The following DNAI4 variants were observed in gnomAD, a reference collection of about 807,000 sequenced individuals.
DNAI4 encodes dynein axonemal intermediate chain 4, also known as WD repeat domain 78.
A neutral mutation model predicts 105.8 loss-of-function variants in DNAI4; 85 were observed. The observed-to-expected ratio is 0.80, with a 90% CI of 0.67 to 0.96. DNAI4 has a LOEUF of 0.96. DNAI4 is among the 40% of genes least tolerant of loss of function. DNAI4 has a pLI of 0.00. For missense variants in DNAI4, 1,014 were observed against 1,005.6 expected, an observed-to-expected ratio of 1.01 and a Z score of -0.11; for synonymous variants, 352 against 331.5, an observed-to-expected ratio of 1.06 and a Z score of -0.67.
At chr1:66,896,596 T>C (rs1159748465) in intron 2 of DNAI4, among the ~76,000 whole-genome samples, 1 of 152,186 alleles carries the variant, frequency 6.6e-6, no homozygotes, top group Non-Finnish European at 1.5e-5. Context: ...AATCCATTCA[T>C]GAATTAATGG....
At chr1:66,820,335 T>C (rs1288470496) in intron 16 of DNAI4, among the ~76,000 whole-genome samples, 1 of 152,124 alleles carries the variant, frequency 6.6e-6, no homozygotes, top group East Asian at 1.9e-4. Flanking sequence ...TAACTAATAA[T>C]TGTAATACAA....
At chr1:66,893,117 G>C (rs1046604275) in intron 3 of DNAI4, 112 bp downstream of exon 3, 8 of 516,996 alleles carry the variant, frequency 1.5e-5, no homozygotes, top group Non-Finnish European at 2.5e-5. Flanking sequence ...AAGAAAGAAA[G>C]AAAGAAACTG....
chr1:66,908,167 G>A (rs1157921939), intron 1 of DNAI4, among the ~76,000 whole-genome samples: 1 of 152,068 alleles, frequency 6.6e-6, no homozygotes, highest in East Asian at 1.9e-4. Flanking sequence ...CATGTTTATA[G>A]TGTCTGTAAA....
At chr1:66,837,899 A>G (rs1355533894) in intron 9 of DNAI4, 103 bp from the exon 10 acceptor site, 4 of 1,123,982 alleles carry the variant, frequency 3.6e-6, no homozygotes, top group Non-Finnish European at 3.8e-6. Flanking sequence ...AAATAGTAGT[A>G]AGACATTTCA....
intron 6 of DNAI4, among the ~76,000 whole-genome samples, chr1:66,869,141 T>C (rs1646791028): frequency 6.6e-6 from 1 of 151,160 alleles, no homozygotes; most frequent in Admixed American, 6.6e-5. Context: ...ATACATATTC[T>C]ATTGGTTCTG....
At chr1:66,892,446 G>C (rs151196384) in intron 3 of DNAI4, among the ~76,000 whole-genome samples, 1 of 152,346 alleles carries the variant, frequency 6.6e-6, no homozygotes, top group Admixed American at 6.5e-5. Flanking sequence ...ATGAGAATTT[G>C]AAATTAATTG....
At chr1:66,829,380 A>G (rs1179361364) in intron 13 of DNAI4, among the ~76,000 whole-genome samples, 1 of 152,190 alleles carries the variant, frequency 6.6e-6, no homozygotes, top group Non-Finnish European at 1.5e-5. Context: ...AAAATGACAA[A>G]CCAGGCTAAC....
In DNAI4 at chr1:66,822,440, C is replaced by A. The variant is rs530771074; in HGVS notation, c.2417G>T (p.Cys806Phe). Residue 806 changes from cysteine to phenylalanine, a missense_variant, in exon 16 of 17, where the codon TGC becomes TTC. Coordinates refer to ENST00000371026, the MANE Select transcript of DNAI4 (RefSeq NM_024763.5). ...TCCATCACTGTCTCCTACCAGAAGG[C>A]AATCTGTTTGTTTGGCAAAGAGAAT... ...TTILFAKQTD[C>F]LLVGDSDGQV... 232 of 1,613,566 alleles carry A rather than the reference C, an allele frequency of 1.4e-4. 2 individuals carry two copies. The South Asian group carries it at 2.4e-3, about 17-fold the overall frequency.
chr1:66,848,322 T>C (rs1330538039), intron 7 of DNAI4: 3 of 453,378 alleles, frequency 6.6e-6, no homozygotes, highest in East Asian at 1.4e-4. Context: ...CTGGAAAAGA[T>C]CTTTTACTTT....
chr1:66,924,801 C>T lies in DNAI4; in HGVS notation c.31G>A (p.Ala11Thr). ...CAAGCTCCTCCGTTAGCGGCTCGGGCCGAGGCTCCGGAATGTTTGCCGGGC... is the reference window on the plus strand; with the variant it reads ...CAAGCTCCTCCGTTAGCGGCTCGGGTCGAGGCTCCGGAATGTTTGCCGGGC... Reference protein sequence around the residue: MTPGKHSGASARAANGGAWGY... With the variant: MTPGKHSGASTRAANGGAWGY... Residue 11 changes from alanine to threonine, a missense_variant, in exon 1 of 17, where the codon GCC becomes ACC. By Grantham distance (58) the Ala-to-Thr change is moderately conservative (BLOSUM62 0). Transcript: ENST00000371026. 6.2e-7 allele frequency: 1 copy of T among 1,614,154 alleles called. No individual in the cohort carries two copies. The highest frequency in any genetic ancestry group is 8.5e-7 in the Non-Finnish European group (1 of 1,180,018).
chr1:66,917,651 A>G (rs773285221), intron 1 of DNAI4, among the ~76,000 whole-genome samples: 1 of 152,214 alleles, frequency 6.6e-6, no homozygotes, highest in Non-Finnish European at 1.5e-5. Context: ...ACAGCTTTTA[A>G]GAGTTTAGTA....
intron 4 of DNAI4, among the ~76,000 whole-genome samples, chr1:66,878,200 A>C (rs1646997924): frequency 6.6e-6 from 1 of 152,128 alleles, no homozygotes; most frequent in Non-Finnish European, 1.5e-5. Context: ...CTATGAACTC[A>C]TGCGTATTTA....
At chr1:66,817,223 T>C (rs1645535491) in intron 16 of DNAI4, among the ~76,000 whole-genome samples, 1 of 152,198 alleles carries the variant, frequency 6.6e-6, no homozygotes, top group South Asian at 2.1e-4. Context: ...AACATTGTTT[T>C]CTCATTAGCA....
At chr1:66,870,748 C>CAAAAAAAA (rs1184105731) in intron 6 of DNAI4, 4 of 16,608 alleles carry the variant, frequency 2.4e-4, no homozygotes, top group African/African-American at 4.6e-4. Flanking sequence ...GACTCTGACG[C>CAAAAAAAA]AAAAAAAAAA....
At chr1:66,891,061 C>T in intron 4 of DNAI4, 93 bp downstream of exon 4, 1 of 989,412 alleles carries the variant, frequency 1.0e-6, no homozygotes, top group East Asian at 2.4e-5. Flanking sequence ...GAAATCATTA[C>T]CATATTTCTT....
chr1:66,851,722 T>C (rs892378047), intron 7 of DNAI4, among the ~76,000 whole-genome samples: 3 of 151,892 alleles, frequency 2.0e-5, no homozygotes, highest in African/African-American at 7.2e-5. Flanking sequence ...AAATAAAAAA[T>C]GTATTTAATA....
chr1:66,839,344 C>A (rs1646098693), intron 9 of DNAI4, among the ~76,000 whole-genome samples: 1 of 152,164 alleles, frequency 6.6e-6, no homozygotes, highest in South Asian at 2.1e-4. Flanking sequence ...AAGATAAATT[C>A]ATTATAAAAG....
chr1:66,827,811 C>T lies in DNAI4; in HGVS notation c.2112+1G>A. On this transcript the variant is annotated splice_donor_variant, in intron 14 of 16. Coordinates refer to ENST00000371026, the MANE Select transcript of DNAI4 (RefSeq NM_024763.5). LOFTEE classifies it high-confidence loss of function. ...TTCCAACCTACTATAATTAAACTAA[C>T]CTTATGTCCTCTGTAGGTATCTAAG... 6.5e-7 allele frequency: 1 copy of T among 1,535,550 alleles called. No homozygotes were observed. Among genetic ancestry groups the T allele is most frequent in the Non-Finnish European group, 8.9e-7 (1 of 1,129,116 alleles).
chr1:66,833,617 C>T lies in DNAI4; in HGVS notation c.1981G>A (p.Ala661Thr), dbSNP rs150353155. The T allele has an allele frequency of 1.1e-5, 18 of 1,613,218 alleles. No homozygotes were observed. The highest frequency in any genetic ancestry group is 4.0e-5 in the African/African-American group (3 of 74,874). The stretch of plus-strand genomic sequence containing the variant: ...TGAAAAGCAAAACACATTCCAGGAG[C>T]CTGTCGAGATATCAAAGCTTCATCT... Reference protein sequence around the residue: ...KKDEALISRQAPGMCFAFHPK... With the variant: ...KKDEALISRQTPGMCFAFHPK... The change falls in exon 13 of 17, where the codon GCT (alanine) becomes ACT (threonine). Residue 661 changes from alanine (A) to threonine (T), a missense_variant. By Grantham distance (58) the Ala-to-Thr change is moderately conservative (BLOSUM62 0). Transcript: ENST00000371026.
Sources: allele counts gnomAD v4.1 joint callset (sites outside exome capture counted in the v4.1 genomes callset), GRCh38; gene constraint gnomAD v4.1.1; transcripts MANE v1.5; gene names NCBI Gene and HGNC (gene_info 2026-07-23, HGNC 2026-07-21).